COPA: variants seen among roughly 807,000 people sequenced by gnomAD.
COPA encodes coat protein complex I subunit alpha.
A neutral mutation model predicts 158.7 loss-of-function variants in COPA; 10 were observed. The ratio of observed to expected loss-of-function variants is 0.06; its 90% CI spans 0.04 to 0.11. The LOEUF is 0.11. Ranked by LOEUF, COPA falls within the 10% of genes least tolerant of loss-of-function variation. The pLI is 1.00. For missense variants in COPA, 1,065 were observed against 1,536.7 expected (o/e 0.69, Z 5.13); for synonymous variants, 462 against 542.8 (o/e 0.85, Z 2.07).
At position 160,305,905 on chromosome 1, in the gene COPA, T is replaced by G. The variant is rs577870911; in HGVS notation, c.1443-132A>C. On this transcript the variant is annotated intron_variant, in intron 15 of 32. Transcript: ENST00000241704. ...ATGTAATTCTAATTACATAAAATAC[T>G]TAATGTAATTCCTACATAGTAGCTC... 6.4e-5 allele frequency: 49 copies of G among 761,474 alleles called. No individual in the cohort carries two copies. The African/African-American group carries it at 7.1e-4, about 11-fold the overall frequency. The allele number at this position is 761,474 out of a possible 1,614,324, so 47.2% of individuals were successfully genotyped here.
At chr1:160,337,877 A>C (rs1647850707) in intron 3 of COPA, among the ~76,000 whole-genome samples, 2 of 152,018 alleles carry the variant, frequency 1.3e-5, no homozygotes, top group Admixed American at 6.5e-5. Context: ...ATTCATATAA[A>C]GTATAAAACT....
At position 160,317,377 on chromosome 1, in the gene COPA, C is replaced by A. The variant is rs1007935020; in HGVS notation, c.707-3252G>T. 28 of 1,598,208 alleles carry A rather than the reference C, an allele frequency of 1.8e-5. No homozygotes were observed. In the African/African-American group the frequency reaches 3.6e-4, roughly 21 times the overall value. ...ACCCGAGGCCGCTGCTGTGCGGAGA[C>A]CCCCGGGTGAAGCCACTGTCATCAT... On this transcript the variant is annotated intron_variant, in intron 8 of 32. Coordinates refer to ENST00000241704, the MANE Select transcript of COPA (RefSeq NM_004371.4).
At chr1:160,303,594 A>G (rs1311182585) in intron 17 of COPA, among the ~76,000 whole-genome samples, 1 of 152,238 alleles carries the variant, frequency 6.6e-6, no homozygotes, top group Non-Finnish European at 1.5e-5. Context: ...TTACAGAAGA[A>G]TACAGAAGAA....
At chr1:160,326,461 C>G (rs931627382) in intron 6 of COPA, among the ~76,000 whole-genome samples, 3 of 152,094 alleles carry the variant, frequency 2.0e-5, no homozygotes, top group African/African-American at 7.2e-5. Flanking sequence ...CCCAGGAAGT[C>G]GAGGCTGCAG....
At position 160,297,615 on chromosome 1, in the gene COPA, A is replaced by G; in HGVS notation, c.2108T>C (p.Leu703Pro). The G allele has an allele frequency of 6.2e-7, 1 of 1,614,126 alleles. No individual in the cohort carries two copies. The highest frequency in any genetic ancestry group is 8.5e-7 in the Non-Finnish European group (1 of 1,180,026). Residue 703 changes from leucine (L) to proline (P), a missense_variant, in exon 20 of 33, where the codon CTT (leucine) becomes CCT (proline). By Grantham distance (98) the Leu-to-Pro change is moderately conservative. Around this residue, in one of 2 missense-constraint regions of COPA, gnomAD observed 980 missense variants for 1,357.8 expected, o/e 0.72. Coordinates refer to ENST00000241704, the MANE Select transcript of COPA (RefSeq NM_004371.4). The part of the protein sequence containing the change: ...CYQRTKNFDK[L>P]SFLYLITGNL... Reference sequence around the variant, plus strand: ...GCCAGTGATAAGATACAGGAAGGAAAGTTTGTCAAAGTTTTTGGTACGCTG... The same window carrying G: ...GCCAGTGATAAGATACAGGAAGGAAGGTTTGTCAAAGTTTTTGGTACGCTG...
At chr1:160,309,052 G>T in intron 13 of COPA, 49 bp downstream of exon 13, 1 of 1,417,444 alleles carries the variant, frequency 7.1e-7, no homozygotes, top group Non-Finnish European at 1.0e-6. Flanking sequence ...GTTATGATGC[G>T]GGTGAGGAGA....
chr1:160,292,368 C>T (rs1658269057), intron 28 of COPA, 116 bp downstream of exon 28: 2 of 1,580,990 alleles, frequency 1.3e-6, no homozygotes, highest in Non-Finnish European at 8.6e-7. Context: ...AACCAAAGAT[C>T]TTTTTCTACT....
Position 160,310,415 on chromosome 1 carries a change from T to C in COPA, c.1077-157A>G, listed in dbSNP as rs1658926311. 4 of 439,132 alleles carry C rather than the reference T, an allele frequency of 9.1e-6. No homozygotes were observed. The East Asian group carries it at 1.5e-4, about 16-fold the overall frequency. The allele number at this position is 439,132 out of a possible 1,614,324, so 27.2% of individuals were successfully genotyped here. On this transcript the variant is annotated intron_variant, in intron 11 of 32. Coordinates refer to ENST00000241704, the MANE Select transcript of COPA (RefSeq NM_004371.4). ...AAAATGAATAAATATTGTATTCTCT[T>C]CCTTTAAGGCTTGGCAACTTCCCTA... is the stretch of plus-strand genomic sequence containing the variant.
At chr1:160,315,711 C>A (rs961199307) in intron 8 of COPA, among the ~76,000 whole-genome samples, 3 of 152,214 alleles carry the variant, frequency 2.0e-5, no homozygotes, top group African/African-American at 7.2e-5. Context: ...AATACAAAGA[C>A]ATAGGTGTAT....
rs1011920234 is a variant in COPA, at chr1:160,305,879, A to C, written c.1443-106T>G. 28 of 882,086 alleles carry C rather than the reference A, an allele frequency of 3.2e-5. No individual in the cohort carries two copies. The Admixed American group carries it at 5.3e-4, about 17-fold the overall frequency. 54.6% of individuals were successfully genotyped at this position (882,086 alleles called of 1,614,324 possible). A position where few individuals can be genotyped will look rare whatever the true frequency, so the allele number is the denominator to read the frequency against. On this transcript the variant is annotated intron_variant, in intron 15 of 32. Coordinates refer to ENST00000241704, the MANE Select transcript of COPA (RefSeq NM_004371.4). ...TAATTAATGTAAACCCCAATTTCTT[A>C]ATGTAATTCTAATTACATAAAATAC...
chr1:160,308,753 G>A (rs1210276328), intron 13 of COPA, among the ~76,000 whole-genome samples: 1 of 152,178 alleles, frequency 6.6e-6, no homozygotes, highest in Non-Finnish European at 1.5e-5. Context: ...GTCCCAGGAT[G>A]AGGCATTATA....
chr1:160,300,387 A>C (rs1036093984), intron 17 of COPA, among the ~76,000 whole-genome samples: 1 of 150,778 alleles, frequency 6.6e-6, no homozygotes, highest in Non-Finnish European at 1.5e-5. Context: ...AAATAAATAA[A>C]TAAATAGAAG....
At chr1:160,330,141 C>T (rs183145324) in intron 6 of COPA, among the ~76,000 whole-genome samples, 96 of 151,734 alleles carry the variant, frequency 6.3e-4, no homozygotes, top group African/African-American at 2.0e-3. Context: ...AAAAAAATTG[C>T]CCCTGATCAG....
chr1:160,333,737 C>T (rs1189095882), intron 4 of COPA, 58 bp from the exon 5 acceptor site: 1 of 1,376,638 alleles, frequency 7.3e-7, no homozygotes, highest in African/African-American at 1.4e-5. Context: ...CTATCAGGTT[C>T]TTGTAATCAT....
chr1:160,321,680 C>T (rs114519165), intron 8 of COPA, among the ~76,000 whole-genome samples: 3,871 of 152,062 alleles, frequency 0.025, 51 homozygotes, highest in Middle Eastern at 0.037. Flanking sequence ...CCCAGCTACT[C>T]GAGACGCTGA....
In COPA at chr1:160,292,124, A is replaced by G; in HGVS notation, c.3035T>C (p.Leu1012Pro). 2 of 1,614,194 alleles carry G rather than the reference A, an allele frequency of 1.2e-6. No individual in the cohort carries two copies. Among genetic ancestry groups the G allele is most frequent in the Non-Finnish European group, 1.7e-6 (2 of 1,180,040 alleles). The change falls in exon 29 of 33, where the codon CTG becomes CCG. Residue 1012 changes from leucine to proline, a missense_variant. Coordinates refer to ENST00000241704, the MANE Select transcript of COPA (RefSeq NM_004371.4). Reference protein sequence around the residue: ...KLNDLIQRLQLCYQLTTVGKF... With the variant: ...KLNDLIQRLQPCYQLTTVGKF... ...GCCAACTGTGGTGAGCTGGTAGCAC[A>G]GCTGCAACCGTTGGATGAGGTCATT... is the stretch of plus-strand genomic sequence containing the variant.
At chr1:160,293,103 G>C in intron 27 of COPA, 63 bp downstream of exon 27, 6 of 1,502,278 alleles carry the variant, frequency 4.0e-6, no homozygotes, top group Non-Finnish European at 5.5e-6. Context: ...ATTAAAATGA[G>C]TCAACCATCT....
At chr1:160,309,738 A>G (rs1399284139) in intron 12 of COPA, among the ~76,000 whole-genome samples, 2 of 130,344 alleles carry the variant, frequency 1.5e-5, no homozygotes, top group Non-Finnish European at 3.2e-5. Flanking sequence ...TTAGAATGTC[A>G]TTTCTTTTTT....
rs761517421 is a variant in COPA at position 160,295,835 on chromosome 1, T to C, written c.2377A>G (p.Lys793Glu). ...ATAGGTGCAGGTGGCTGGAGCAGCT[T>C]GGCATTAGGGTCAATGTCTGGGATC... The part of the protein sequence containing the change: ...ETIPDIDPNA[K>E]LLQPPAPIMP... Residue 793 changes from lysine to glutamate, a missense_variant, in exon 23 of 33, where the codon AAG becomes GAG. This residue lies in a region of COPA where 980 missense variants were observed against 1,357.8 expected (regional missense o/e 0.72). Coordinates refer to ENST00000241704, the MANE Select transcript of COPA (RefSeq NM_004371.4). The C allele has an allele frequency of 4.3e-6, 7 of 1,612,664 alleles. No individual in the cohort carries two copies. In the East Asian group the frequency reaches 1.6e-4, roughly 36 times the overall value.
Sources: allele counts gnomAD v4.1 joint callset (sites outside exome capture counted in the v4.1 genomes callset), GRCh38; gene constraint gnomAD v4.1.1; regional missense constraint gnomAD v4.1.1; transcripts MANE v1.5; gene names NCBI Gene and HGNC (gene_info 2026-07-23, HGNC 2026-07-21).